PLA2G4F: variants seen among roughly 807,000 people sequenced by gnomAD.
The protein encoded by PLA2G4F is phospholipase A2 group IVF.
Under a neutral mutation model 103.1 loss-of-function variants are expected in PLA2G4F, and 105 were observed. The ratio of observed to expected loss-of-function variants is 1.02; its 90% CI spans 0.87 to 1.20. PLA2G4F has a LOEUF of 1.20. Ranked by LOEUF, PLA2G4F falls within the 50% of genes most tolerant of loss-of-function variation. The pLI is 0.00. For synonymous variants in PLA2G4F, 468 were observed against 441.1 expected (o/e 1.06, Z -0.76); for missense variants, 1,155 against 1,075.9 (o/e 1.07, Z -1.03).
chr15:42,156,491 GC>G lies in PLA2G4F; in HGVS notation c.58del (p.Ala20GlnfsTer29), dbSNP rs1204529845. ...LADKMLPLLG[A>X]VLLQKREKRG... ...CTTCTCTCTCTTCTGAAGCAGCACT[GC>G]CCCCAGGAGGGGCAGCATCTTGTCT... On this transcript the variant is annotated frameshift_variant, in exon 1 of 20. Coordinates refer to ENST00000397272, the MANE Select transcript of PLA2G4F (RefSeq NM_213600.4). LOFTEE classifies it high-confidence loss of function. 6.4e-7 allele frequency: 1 copy of G among 1,564,414 alleles called. No individual in the cohort carries two copies. Among genetic ancestry groups the G allele is most frequent in the South Asian group, 1.2e-5 (1 of 85,054 alleles).
In PLA2G4F at chr15:42,141,646, C is replaced by T; in HGVS notation, c.*338G>A. On this transcript the variant is annotated 3_prime_UTR_variant, in exon 20 of 20. Coordinates refer to ENST00000397272, the MANE Select transcript of PLA2G4F (RefSeq NM_213600.4). ...TTCTGTGTGGGTCTGAGGACTTGGG[C>T]CCTCTGAGGTCCTTCTGTGTCTGGG... 1 of 492,654 alleles carries T rather than the reference C, an allele frequency of 2.0e-6. No individual in the cohort carries two copies. The highest frequency in any genetic ancestry group is 4.0e-6 in the Non-Finnish European group (1 of 251,780). 30.5% of individuals were successfully genotyped at this position (492,654 alleles called of 1,614,324 possible).
At chr15:42,151,379 G>T in intron 7 of PLA2G4F, 8 of 985,364 alleles carry the variant, frequency 8.1e-6, no homozygotes, top group Non-Finnish European at 9.6e-6. Flanking sequence ...GGAGTGAGGG[G>T]GTGGGCTTGT....
Position 42,145,858 on chromosome 15 carries a change from C to T in PLA2G4F, c.1580G>A (p.Gly527Glu), listed in dbSNP as rs2048878530. Residue 527 changes from glycine (G) to glutamate (E), a missense_variant, in exon 15 of 20, where the codon GGG becomes GAG. Coordinates refer to ENST00000397272, the MANE Select transcript of PLA2G4F (RefSeq NM_213600.4). ...TPYEVGFPKY[G>E]AYVPTELFGS... is the part of the protein sequence containing the mutation. Reference sequence around the variant, plus strand: ...GAAGAGCTCGGTGGGAACATAAGCCCCGTACTTGGGGAAGCCAACCTCATA... The same window carrying T: ...GAAGAGCTCGGTGGGAACATAAGCCTCGTACTTGGGGAAGCCAACCTCATA... 6.2e-7 allele frequency: 1 copy of T among 1,613,976 alleles called. No individual in the cohort carries two copies. Among genetic ancestry groups the T allele is most frequent in the African/African-American group, 1.3e-5 (1 of 74,908 alleles).
Position 42,142,171 on chromosome 15 carries a change from A to G in PLA2G4F, c.2363T>C (p.Phe788Ser), listed in dbSNP as rs1358353176. ...TGGCCTGTTGATGACAAAGTCCCCA[A>G]AGGCCTTCTCCTCAGCTGTTTGTCG... ...VERQTAEEKAFGDFVINRPDT... is the reference protein window; with the variant it reads ...VERQTAEEKASGDFVINRPDT... Residue 788 changes from phenylalanine to serine, a missense_variant, in exon 20 of 20, where the codon TTT becomes TCT. Phe to Ser is a radical substitution (Grantham distance 155). Around this residue, in one of 3 missense-constraint regions of PLA2G4F, gnomAD observed 782 missense variants for 692.9 expected, o/e 1.13. Transcript: ENST00000397272. The G allele has an allele frequency of 1.9e-6, 3 of 1,613,854 alleles. No individual in the cohort carries two copies. The highest frequency in any genetic ancestry group is 2.5e-6 in the Non-Finnish European group (3 of 1,179,928).
chr15:42,150,367 C>G lies in PLA2G4F; in HGVS notation c.885+6G>C. 2.5e-6 allele frequency: 4 copies of G among 1,603,154 alleles called. No homozygotes were observed. Among genetic ancestry groups the G allele is most frequent in the Non-Finnish European group, 2.6e-6 (3 of 1,175,026 alleles). On this transcript the variant is annotated splice_donor_region_variant and intron_variant, in intron 9 of 19. Coordinates refer to ENST00000397272, the MANE Select transcript of PLA2G4F (RefSeq NM_213600.4). ...GGGTCCCTCTGGCACCCAGACAGAG[C>G]CTTACCTCCCCCAGGGCCACAGAAC...
intron 18 of PLA2G4F, 40 bp downstream of exon 18, chr15:42,143,938 T>C (rs1276381426): frequency 1.9e-6 from 3 of 1,551,488 alleles, no homozygotes; most frequent in Non-Finnish European, 2.6e-6. Context: ...TTCTGTCCAC[T>C]CACTGCAGGT....
intron 15 of PLA2G4F, 28 bp downstream of exon 15, chr15:42,145,738 T>C (rs1452785598): frequency 6.2e-7 from 1 of 1,613,628 alleles, no homozygotes; most frequent in African/African-American, 1.3e-5. Context: ...GGCACCTGCC[T>C]GTCCCCAGCC....
chr15:42,145,783 C>CG lies in PLA2G4F; in HGVS notation c.1654dup (p.Arg552ProfsTer19). 1.9e-6 allele frequency: 3 copies of CG among 1,614,114 alleles called. No individual in the cohort carries two copies. The highest frequency in any genetic ancestry group is 2.5e-6 in the Non-Finnish European group (3 of 1,180,030). On this transcript the variant is annotated frameshift_variant, in exon 15 of 20. Transcript: ENST00000397272. LOFTEE classifies it high-confidence loss of function. ...CGACTCACCTTGCAGGTAACAGATC[C>CG]GGGGTTCAGGCTGGAGCTGCAGCAA...
Position 42,142,602 on chromosome 15 carries a change from G to T in PLA2G4F, c.2255C>A (p.Ala752Asp). The T allele has an allele frequency of 6.2e-7, 1 of 1,614,126 alleles. No individual in the cohort carries two copies. The highest frequency in any genetic ancestry group is 8.5e-7 in the Non-Finnish European group (1 of 1,180,000). Residue 752 changes from alanine to aspartate, a missense_variant, in exon 19 of 20, where the codon GCT (alanine) becomes GAT (aspartate). Transcript: ENST00000397272. ...CACAATGGGGGAGCGGGGGTCCTCA[G>T]CCTTGGCAAACAGATAGCACTCACG... is the stretch of plus-strand genomic sequence containing the variant. ...EARECYLFAK[A>D]EDPRSPIVLH...
chr15:42,154,110 G>C lies in PLA2G4F; in HGVS notation c.432C>G (p.Thr144=). ...SLKCGQPHKH[T]FPLNHQDSQE... ...GGCTCACCTGGTGGTTGAGTGGGAA[G>C]GTGTGTTTGTGAGGTTGGCCACACT... Residue 144 remains threonine (T), a synonymous_variant, in exon 4 of 20, where the codon ACC becomes ACG. Coordinates refer to ENST00000397272, the MANE Select transcript of PLA2G4F (RefSeq NM_213600.4). 1 of 1,614,204 alleles carries C rather than the reference G, an allele frequency of 6.2e-7. No individual in the cohort carries two copies. The highest frequency in any genetic ancestry group is 1.1e-5 in the South Asian group (1 of 91,070).
At position 42,142,017 on chromosome 15, in the gene PLA2G4F, G is replaced by GCC. The variant is rs771235025; in HGVS notation, c.2516_2517insGG (p.Asp839GlufsTer34). ...CTGCCCTCTCCCGAGCCTGGTGCCG[G>GCC]TCCAGAGCCAGCTGGAGGGCGCACT... is the stretch of plus-strand genomic sequence containing the variant. On this transcript the variant is annotated frameshift_variant, in exon 20 of 20. Coordinates refer to ENST00000397272, the MANE Select transcript of PLA2G4F (RefSeq NM_213600.4). LOFTEE classifies it high-confidence loss of function. 1 of 1,614,048 alleles carries GCC rather than the reference G, an allele frequency of 6.2e-7. No homozygotes were observed. The highest frequency in any genetic ancestry group is 8.5e-7 in the Non-Finnish European group (1 of 1,180,014).
intron 7 of PLA2G4F, chr15:42,151,657 G>A: frequency 1.0e-6 from 1 of 985,240 alleles, no homozygotes; most frequent in South Asian, 4.7e-5. Context: ...GACCAAGTGT[G>A]GGGAGGGAAT....
chr15:42,152,703 G>T lies in PLA2G4F; in HGVS notation c.586C>A (p.Pro196Thr). The T allele has an allele frequency of 6.4e-7, 1 of 1,557,052 alleles. No homozygotes were observed. Among genetic ancestry groups the T allele is most frequent in the Non-Finnish European group, 8.7e-7 (1 of 1,149,708 alleles). Reference sequence around the variant, plus strand: ...GCAGACTCACCGTACTCTTCCCGTGGGGCTGTCCCATCTCCCCGGAGCGTG... The same window carrying T: ...GCAGACTCACCGTACTCTTCCCGTGTGGCTGTCCCATCTCCCCGGAGCGTG... ...QGTLRGDGTA[P>T]REEYGSRQLQ... Residue 196 changes from proline to threonine, a missense_variant, in exon 7 of 20, where the codon CCA (proline) becomes ACA (threonine). Pro to Thr is a conservative substitution (Grantham distance 38). Coordinates refer to ENST00000397272, the MANE Select transcript of PLA2G4F (RefSeq NM_213600.4).
chr15:42,155,298 ACT>A (rs767962390), intron 2 of PLA2G4F, among the ~76,000 whole-genome samples: 87 of 151,850 alleles, frequency 5.7e-4, no homozygotes, highest in Admixed American at 1.0e-3. Context: ...ATATACACGC[ACT>A]CACACACACG....
intron 11 of PLA2G4F, among the ~76,000 whole-genome samples, chr15:42,148,144 T>A (rs1326488304): frequency 7.2e-6 from 1 of 139,522 alleles, no homozygotes; most frequent in Non-Finnish European, 1.5e-5. Context: ...ATTTCACCAC[T>A]GCACTCCAGC....
intron 16 of PLA2G4F, among the ~76,000 whole-genome samples, chr15:42,144,917 C>T (rs1303806445): frequency 6.6e-6 from 1 of 152,210 alleles, no homozygotes; most frequent in Admixed American, 6.5e-5. Flanking sequence ...TTTGAGTCTA[C>T]AGCTTCCAAT....
Position 42,153,946 on chromosome 15 carries a change from G to A in PLA2G4F, c.450+146C>T. 3.9e-6 allele frequency: 5 copies of A among 1,275,832 alleles called. No individual in the cohort carries two copies. The East Asian group carries it at 9.6e-5, about 25-fold the overall frequency. The allele number at this position is 1,275,832 out of a possible 1,614,324, so 79.0% of individuals were successfully genotyped here. On this transcript the variant is annotated intron_variant, in intron 4 of 19. Coordinates refer to ENST00000397272, the MANE Select transcript of PLA2G4F (RefSeq NM_213600.4). Reference sequence around the variant, plus strand: ...TCATGCAAGGAAGATGTATTAGAGGGAGACCTTTATAGGGTCAGGGCTGCG... The same window carrying A: ...TCATGCAAGGAAGATGTATTAGAGGAAGACCTTTATAGGGTCAGGGCTGCG...
chr15:42,143,310 C>T (rs949965892), intron 18 of PLA2G4F, among the ~76,000 whole-genome samples: 7 of 152,094 alleles, frequency 4.6e-5, no homozygotes, highest in Admixed American at 4.6e-4. Flanking sequence ...CCAGGAACCA[C>T]CATGGTCTTC....
At position 42,153,332 on chromosome 15, in the gene PLA2G4F, C is replaced by A; in HGVS notation, c.502G>T (p.Ala168Ser). 1 of 1,614,146 alleles carries A rather than the reference C, an allele frequency of 6.2e-7. No homozygotes were observed. The highest frequency in any genetic ancestry group is 8.5e-7 in the Non-Finnish European group (1 of 1,179,964). ...ACCCCGTTGGTGATGACTTCAGATG[C>A]AGGCACCTGGCTGCAAAGGATGAGG... is the stretch of plus-strand genomic sequence containing the variant. ...EFVLEKSQVP[A>S]SEVITNGVLV... The change falls in exon 6 of 20, where the codon GCA becomes TCA. Residue 168 changes from alanine to serine, a missense_variant. By Grantham distance (99) the Ala-to-Ser change is moderately conservative. Transcript: ENST00000397272.
Sources: allele counts gnomAD v4.1 joint callset (sites outside exome capture counted in the v4.1 genomes callset), GRCh38; gene constraint gnomAD v4.1.1; regional missense constraint gnomAD v4.1.1; transcripts MANE v1.5; gene names NCBI Gene and HGNC (gene_info 2026-07-23, HGNC 2026-07-21).